Variants in PARK7 observed in about 807,000 individuals in gnomAD.
PARK7 encodes Parkinsonism associated deglycase.
PARK7 carries 14 observed loss-of-function variants against 20.5 expected under a neutral mutation model. That is an observed-to-expected ratio of 0.68 (90% CI 0.45 to 1.07). The LOEUF (loss-of-function observed/expected upper bound fraction) is 1.07, where lower values mean the gene tolerates loss of function less well. PARK7 is among the 50% of genes least tolerant of loss of function. PARK7 has a pLI of 0.00. For synonymous variants in PARK7, 98 were observed against 84.3 expected (o/e 1.16, Z -0.89); for missense variants, 234 against 238.1 (o/e 0.98, Z 0.11).
chr1:7,977,199 C>T (rs1444762348), intron 5 of PARK7, among the ~76,000 whole-genome samples: 1 of 152,030 alleles, frequency 6.6e-6, no homozygotes, highest in African/African-American at 2.4e-5. Flanking sequence ...ATATGTGGTC[C>T]CTGTTCTGGG....
chr1:7,983,469 T>C (rs1640753823), intron 6 of PARK7, among the ~76,000 whole-genome samples: 1 of 152,254 alleles, frequency 6.6e-6, no homozygotes, highest in African/African-American at 2.4e-5. Context: ...CCATTTCCTC[T>C]GGATCACTGT....
intron 5 of PARK7, among the ~76,000 whole-genome samples, chr1:7,976,475 A>G (rs932057073): frequency 2.3e-4 from 35 of 152,214 alleles, no homozygotes; most frequent in African/African-American, 8.0e-4. Flanking sequence ...TTCAGTGAAT[A>G]CATTTAAATA....
At chr1:7,982,159 T>C (rs2151439170) in intron 6 of PARK7, among the ~76,000 whole-genome samples, 1 of 150,544 alleles carries the variant, frequency 6.6e-6, no homozygotes, top group African/African-American at 2.4e-5. Context: ...ATTTTTTTTT[T>C]TTTTTTTAGT....
intron 5 of PARK7, among the ~76,000 whole-genome samples, chr1:7,975,679 T>G (rs1640570473): frequency 6.6e-6 from 1 of 152,176 alleles, no homozygotes. Context: ...GTAACATAAA[T>G]TTATTCACAT....
chr1:7,971,845 A>G (rs1385154400), intron 5 of PARK7: 1 of 152,214 alleles, frequency 6.6e-6, no homozygotes, highest in African/African-American at 2.4e-5. Context: ...AGGCAGGAGA[A>G]TCGCTTGAAC....
chr1:7,966,498 C>G (rs761937300), intron 3 of PARK7, among the ~76,000 whole-genome samples: 7 of 151,740 alleles, frequency 4.6e-5, no homozygotes, highest in Non-Finnish European at 1.0e-4. Context: ...GAGTTTGAGA[C>G]CAGCCTGGGC....
In PARK7 at chr1:7,970,951, G is replaced by A. The variant is rs774005786; in HGVS notation, c.310G>A (p.Ala104Thr). 1.2e-4 allele frequency: 189 copies of A among 1,614,066 alleles called. No individual in the cohort carries two copies. Among genetic ancestry groups the A allele is most frequent in the East Asian group, 1.1e-3 (51 of 44,900 alleles). The change falls in exon 5 of 7, where the codon GCC becomes ACC. Residue 104 changes from alanine (A) to threonine (T), a missense_variant. Ala to Thr is a moderately conservative substitution (Grantham distance 58, BLOSUM62 0). Transcript: ENST00000338639. Reference sequence around the variant, plus strand: ...GGAAAACCGGAAGGGCCTGATAGCCGCCATCTGTGCAGGTGACGTGCAGGG... The same window carrying A: ...GGAAAACCGGAAGGGCCTGATAGCCACCATCTGTGCAGGTGACGTGCAGGG... ...EQENRKGLIA[A>T]ICAGPTALLA...
intron 5 of PARK7, among the ~76,000 whole-genome samples, chr1:7,973,353 T>C (rs1640503482): frequency 1.3e-5 from 2 of 152,248 alleles, no homozygotes. Context: ...TTTCTTTGGC[T>C]CTGCTGCTGT....
chr1:7,969,451 A>AAG (rs1557444497), intron 4 of PARK7, 47 bp downstream of exon 4: 4 of 1,203,196 alleles, frequency 3.3e-6, no homozygotes, highest in Admixed American at 1.8e-5. Flanking sequence ...GGGGGGGGGG[A>AAG]AAAACTAAAG....
At chr1:7,978,640 C>T (rs557150022) in intron 6 of PARK7, among the ~76,000 whole-genome samples, 26 of 144,972 alleles carry the variant, frequency 1.8e-4, no homozygotes, top group Non-Finnish European at 3.6e-4. Context: ...GCCCCGAGTT[C>T]GAGACCAGCC....
chr1:7,972,190 G>A (rs1640479197), intron 5 of PARK7, among the ~76,000 whole-genome samples: 1 of 152,136 alleles, frequency 6.6e-6, no homozygotes, highest in Admixed American at 6.5e-5. Flanking sequence ...GGCCAGGTGT[G>A]GTGGCTCATG....
At chr1:7,967,062 C>T (rs1373098676) in intron 3 of PARK7, among the ~76,000 whole-genome samples, 1 of 152,200 alleles carries the variant, frequency 6.6e-6, no homozygotes, top group Non-Finnish European at 1.5e-5. Context: ...TCTCCCTATC[C>T]CCACTTTCTC....
chr1:7,974,457 G>T (rs1305492930), intron 5 of PARK7, among the ~76,000 whole-genome samples: 1 of 151,752 alleles, frequency 6.6e-6, no homozygotes, highest in Non-Finnish European at 1.5e-5. Flanking sequence ...GTGAAACCCT[G>T]TCTCTCCTAA....
At chr1:7,982,326 G>A (rs149765246) in intron 6 of PARK7, among the ~76,000 whole-genome samples, 3 of 152,040 alleles carry the variant, frequency 2.0e-5, no homozygotes, top group African/African-American at 4.8e-5. Context: ...AAGACTTGGA[G>A]TCTGGTTTAA....
At chr1:7,973,020 A>T (rs1447228200) in intron 5 of PARK7, among the ~76,000 whole-genome samples, 3 of 152,230 alleles carry the variant, frequency 2.0e-5, no homozygotes, top group Non-Finnish European at 4.4e-5. Flanking sequence ...ACTGCACTCC[A>T]GCCTGGGTGA....
chr1:7,977,867 C>A (rs895927763), intron 6 of PARK7, 129 bp downstream of exon 6: 24 of 753,268 alleles, frequency 3.2e-5, no homozygotes, highest in African/African-American at 1.7e-5. Context: ...TCAAGCGATT[C>A]TTCTCTCTCA....
intron 2 of PARK7, 147 bp downstream of exon 2, chr1:7,963,022 A>G (rs572629128): frequency 5.6e-6 from 4 of 718,842 alleles, no homozygotes; most frequent in Non-Finnish European, 9.9e-6. Context: ...ATACCTGTTG[A>G]TCCACTGCTC....
chr1:7,969,147 AG>A, intron 3 of PARK7, 197 bp from the exon 4 acceptor site: 1 of 561,882 alleles, frequency 1.8e-6, no homozygotes, highest in South Asian at 2.3e-5. Flanking sequence ...CACTACATAC[AG>A]GTTTTCTGCA....
At chr1:7,969,098 C>A in intron 3 of PARK7, 2 of 451,534 alleles carry the variant, frequency 4.4e-6, no homozygotes, top group East Asian at 7.5e-5. Flanking sequence ...GGAGATTATA[C>A]TACCCCTGCT....
Sources: gnomAD v4.1 joint callset for allele counts (sites outside exome capture counted in the v4.1 genomes callset) on GRCh38, gnomAD v4.1.1 for gene constraint, MANE v1.5 for transcripts, NCBI Gene and HGNC (gene_info 2026-07-23, HGNC 2026-07-21) for gene names.